The following CPEB3 variants were observed in gnomAD, a reference collection of about 807,000 sequenced individuals.
CPEB3 encodes cytoplasmic polyadenylation element binding protein 3, also known as cytoplasmic polyadenylation element-binding protein 3.
CPEB3 carries 20 observed loss-of-function variants against 67.2 expected under a neutral mutation model. That is an observed-to-expected ratio of 0.30 (90% CI 0.21 to 0.43). The LOEUF (loss-of-function observed/expected upper bound fraction) is 0.43, where lower values mean the gene tolerates loss of function less well. Ranked by LOEUF, CPEB3 falls within the 20% of genes least tolerant of loss-of-function variation. The pLI is 1.00. For synonymous variants in CPEB3, 376 were observed against 393.1 expected (o/e 0.96, Z 0.51); for missense variants, 746 against 968.6 (o/e 0.77, Z 3.05).
chr10:92,286,596 A>C (rs1472760636), intron 1 of CPEB3, among the ~76,000 whole-genome samples: 2 of 151,958 alleles, frequency 1.3e-5, no homozygotes, highest in Non-Finnish European at 2.9e-5. Context: ...AAAAAAAAAA[A>C]AAAAACATAG....
intron 6 of CPEB3, among the ~76,000 whole-genome samples, chr10:92,132,282 GC>G (rs1388085749): frequency 6.6e-6 from 1 of 152,020 alleles, no homozygotes; most frequent in Non-Finnish European, 1.5e-5. Context: ...AATTGGACTA[GC>G]CAGCCTATAA....
At chr10:92,128,441 C>G (rs749831473) in intron 6 of CPEB3, among the ~76,000 whole-genome samples, 1 of 152,154 alleles carries the variant, frequency 6.6e-6, no homozygotes, top group South Asian at 2.1e-4. Flanking sequence ...GACCAAAAAG[C>G]AAGTCAGTTA....
At chr10:92,118,416 G>A (rs1845149520) in intron 6 of CPEB3, among the ~76,000 whole-genome samples, 1 of 152,200 alleles carries the variant, frequency 6.6e-6, no homozygotes, top group Admixed American at 6.5e-5. Context: ...ACAGGTGTGA[G>A]CCACCGTGCC....
intron 8 of CPEB3, among the ~76,000 whole-genome samples, chr10:92,083,901 T>C (rs1843258189): frequency 2.0e-5 from 3 of 152,072 alleles, no homozygotes; most frequent in Non-Finnish European, 2.9e-5. Context: ...ATCTTCAGGA[T>C]CGCCGGGCAC....
intron 9 of CPEB3, among the ~76,000 whole-genome samples, chr10:92,069,519 G>A (rs988469860): frequency 3.3e-5 from 5 of 152,048 alleles, no homozygotes; most frequent in African/African-American, 9.6e-5. Context: ...TTCTCCTGCC[G>A]TAGCCTCCTG....
intron 2 of CPEB3, among the ~76,000 whole-genome samples, chr10:92,200,922 C>T (rs561440682): frequency 5.9e-5 from 9 of 152,260 alleles, no homozygotes; most frequent in Non-Finnish European, 1.0e-4. Flanking sequence ...AATTACCTGA[C>T]ATGACCCTAC....
chr10:92,151,402 T>A (rs529569059), intron 4 of CPEB3, among the ~76,000 whole-genome samples: 1 of 152,296 alleles, frequency 6.6e-6, no homozygotes, highest in African/African-American at 2.4e-5. Context: ...GACTCCCTCA[T>A]AAAATACATA....
intron 2 of CPEB3, among the ~76,000 whole-genome samples, chr10:92,232,482 G>T (rs1239254580): frequency 6.6e-6 from 1 of 152,044 alleles, no homozygotes; most frequent in Non-Finnish European, 1.5e-5. Context: ...AATTGGGCCA[G>T]ACATGGTGGC....
At chr10:92,183,637 T>C (rs1162738275) in intron 3 of CPEB3, among the ~76,000 whole-genome samples, 1 of 152,204 alleles carries the variant, frequency 6.6e-6, no homozygotes, top group Admixed American at 6.5e-5. Flanking sequence ...AGCCAGTCAC[T>C]GGAAAGTCTA....
chr10:92,178,917 G>A (rs1848345986), intron 4 of CPEB3, among the ~76,000 whole-genome samples: 1 of 151,990 alleles, frequency 6.6e-6, no homozygotes, highest in African/African-American at 2.4e-5. Context: ...GAAAACTGAT[G>A]GTAGGTAATG....
intron 4 of CPEB3, among the ~76,000 whole-genome samples, chr10:92,147,629 T>G (rs1846750271): frequency 6.6e-6 from 1 of 152,132 alleles, no homozygotes; most frequent in East Asian, 1.9e-4. Context: ...GACAGGCAAG[T>G]ACATAAATAA....
intron 1 of CPEB3, 61 bp from the exon 2 acceptor site, chr10:92,240,422 A>T: frequency 1.4e-6 from 2 of 1,384,434 alleles, no homozygotes; most frequent in African/African-American, 1.5e-5. Flanking sequence ...TCCCTCGCTG[A>T]AGCGGGCGGG....
intron 1 of CPEB3, among the ~76,000 whole-genome samples, chr10:92,241,057 T>A (rs943798908): frequency 6.6e-6 from 1 of 151,376 alleles, no homozygotes; most frequent in Non-Finnish European, 1.5e-5. Context: ...ACAGTTAATT[T>A]TAAAAAAAAC....
intron 6 of CPEB3, among the ~76,000 whole-genome samples, chr10:92,124,974 A>G (rs987390195): frequency 6.6e-6 from 1 of 152,222 alleles, no homozygotes; most frequent in South Asian, 2.1e-4. Flanking sequence ...CTTGTGTTCA[A>G]ACTGAATAGT....
chr10:92,061,535 A>C (rs542779208), intron 9 of CPEB3, among the ~76,000 whole-genome samples: 1 of 152,278 alleles, frequency 6.6e-6, no homozygotes, highest in South Asian at 2.1e-4. Context: ...TTGCAACAAC[A>C]TGGATAGAAC....
chr10:92,181,242 A>C (rs554825253), intron 3 of CPEB3, among the ~76,000 whole-genome samples: 37 of 151,988 alleles, frequency 2.4e-4, no homozygotes, highest in Non-Finnish European at 4.6e-4. Flanking sequence ...AAAACAAAAA[A>C]AGAAGCTTCT....
intron 2 of CPEB3, among the ~76,000 whole-genome samples, chr10:92,229,254 G>A (rs1851145386): frequency 6.6e-6 from 1 of 151,592 alleles, no homozygotes; most frequent in South Asian, 2.1e-4. Context: ...AGCTGGTTTC[G>A]AACACCTGGG....
At chr10:92,141,668 AAAT>A (rs1280877987) in intron 6 of CPEB3, among the ~76,000 whole-genome samples, 2 of 151,430 alleles carry the variant, frequency 1.3e-5, no homozygotes, top group African/African-American at 2.4e-5. Flanking sequence ...ATTGAAATAA[AAAT>A]AATAACTGGA....
At chr10:92,217,248 T>TAC (rs754423428) in intron 2 of CPEB3, among the ~76,000 whole-genome samples, 139 of 127,272 alleles carry the variant, frequency 1.1e-3, no homozygotes, top group African/African-American at 2.7e-3. Context: ...TATATATATA[T>TAC]ACACACACAC....
Sources: gnomAD v4.1 joint callset for allele counts (sites outside exome capture counted in the v4.1 genomes callset) on GRCh38, gnomAD v4.1.1 for gene constraint, MANE v1.5 for transcripts, NCBI Gene and HGNC (gene_info 2026-07-23, HGNC 2026-07-21) for gene names.